NR6A1: variants seen among roughly 807,000 people sequenced by gnomAD.
NR6A1 encodes the protein retinoic acid receptor-related testis-associated receptor.
NR6A1 carries 7 observed loss-of-function variants against 59.1 expected under a neutral mutation model. The observed-to-expected ratio is 0.12, with a 90% CI of 0.07 to 0.22. The LOEUF is 0.22. Among genes scored for constraint, NR6A1 ranks in the 10% least tolerant of loss-of-function variants. NR6A1 has a pLI of 1.00. For synonymous variants in NR6A1, 243 were observed against 236.1 expected, an observed-to-expected ratio of 1.03 and a Z score of -0.27; for missense variants, 468 against 611.6, an observed-to-expected ratio of 0.77 and a Z score of 2.48.
intron 2 of NR6A1, among the ~76,000 whole-genome samples, chr9:124,681,833 T>C (rs961583304): frequency 2.6e-5 from 4 of 152,198 alleles, no homozygotes; most frequent in African/African-American, 9.6e-5. Context: ...ATTTTCCAAA[T>C]GACCAATGTA....
chr9:124,592,094 C>T (rs970812153), intron 2 of NR6A1, among the ~76,000 whole-genome samples: 1 of 152,172 alleles, frequency 6.6e-6, no homozygotes, highest in Admixed American at 6.5e-5. Flanking sequence ...ATTTGTGCCT[C>T]TGATATCCTT....
chr9:124,625,403 C>T lies in NR6A1; in HGVS notation c.143-70833G>A, dbSNP rs181389450. 3.7e-3 allele frequency among the ~76,000 whole-genome samples: 561 copies of T among 152,298 alleles called. 2 individuals carry two copies. The highest frequency in any genetic ancestry group is 4.8e-3 in the Non-Finnish European group (328 of 68,020). On this transcript the variant is annotated intron_variant, in intron 2 of 9. Coordinates refer to ENST00000487099, the MANE Select transcript of NR6A1 (RefSeq NM_033334.4). ...AGTGCAGTGGCATGATCACAGCTCA[C>T]GGCAGCCTCAACCTCACAGGCTCAA...
intron 1 of NR6A1, among the ~76,000 whole-genome samples, chr9:124,758,052 T>C (rs1329687030): frequency 6.6e-6 from 1 of 152,246 alleles, no homozygotes; most frequent in Non-Finnish European, 1.5e-5. Context: ...CAGCAACTGC[T>C]TGCAGTCAGT....
intron 1 of NR6A1, among the ~76,000 whole-genome samples, chr9:124,765,758 C>A (rs1840917137): frequency 6.6e-6 from 1 of 151,622 alleles, no homozygotes; most frequent in African/African-American, 2.4e-5. Context: ...TGAAAAAACT[C>A]TGGGTTTTTT....
At chr9:124,583,075 G>C (rs1358373535) in intron 2 of NR6A1, among the ~76,000 whole-genome samples, 2 of 151,982 alleles carry the variant, frequency 1.3e-5, no homozygotes, top group Non-Finnish European at 2.9e-5. Context: ...TTGGCCATTA[G>C]GTAATCAACA....
chr9:124,665,481 C>G (rs1021629210), intron 2 of NR6A1, among the ~76,000 whole-genome samples: 2 of 152,172 alleles, frequency 1.3e-5, no homozygotes, highest in African/African-American at 2.4e-5. Context: ...AAACCACTCT[C>G]TCATATAAAA....
intron 2 of NR6A1, among the ~76,000 whole-genome samples, chr9:124,670,137 T>A (rs987100622): frequency 1.0e-4 from 15 of 149,912 alleles, no homozygotes; most frequent in African/African-American, 3.2e-4. Flanking sequence ...CCCAGCACTT[T>A]GGGAAACTGA....
At chr9:124,596,469 T>C (rs910081197) in intron 2 of NR6A1, among the ~76,000 whole-genome samples, 2 of 152,232 alleles carry the variant, frequency 1.3e-5, no homozygotes, top group African/African-American at 2.4e-5. Context: ...TGGTTATCTA[T>C]ACTAGTTTGA....
intron 3 of NR6A1, among the ~76,000 whole-genome samples, chr9:124,553,276 C>A (rs1833827620): frequency 6.6e-6 from 1 of 152,190 alleles, no homozygotes; most frequent in Admixed American, 6.5e-5. Context: ...CGGCCCTTCT[C>A]TCTTCTGTAT....
intron 2 of NR6A1, among the ~76,000 whole-genome samples, chr9:124,726,699 T>G (rs1839730696): frequency 6.6e-6 from 1 of 152,102 alleles, no homozygotes; most frequent in South Asian, 2.1e-4. Flanking sequence ...TTCTCACTTC[T>G]TCACTTCTTC....
intron 2 of NR6A1, among the ~76,000 whole-genome samples, chr9:124,690,248 C>A (rs1838488581): frequency 6.6e-6 from 1 of 152,182 alleles, no homozygotes; most frequent in African/African-American, 2.4e-5. Flanking sequence ...AGCAAACATG[C>A]TACTAATCAT....
At chr9:124,620,459 T>A (rs865932984) in intron 2 of NR6A1, among the ~76,000 whole-genome samples, 7 of 152,348 alleles carry the variant, frequency 4.6e-5, no homozygotes, top group African/African-American at 1.4e-4. Flanking sequence ...AGATAAAATG[T>A]ATGGCATATC....
At chr9:124,525,284 AACACACACACACAC>A (rs71492413) in intron 8 of NR6A1, among the ~76,000 whole-genome samples, 17 of 137,302 alleles carry the variant, frequency 1.2e-4, no homozygotes, top group African/African-American at 4.2e-4. Context: ...ATGCTTGTAA[AACACACACACACAC>A]ACACACACAC....
At chr9:124,740,095 G>A (rs1019932649) in intron 1 of NR6A1, among the ~76,000 whole-genome samples, 3 of 152,170 alleles carry the variant, frequency 2.0e-5, no homozygotes, top group African/African-American at 7.2e-5. Context: ...ACCCAACAGT[G>A]TATACTCCAT....
chr9:124,697,105 G>C (rs755443629), intron 2 of NR6A1, among the ~76,000 whole-genome samples: 2 of 152,170 alleles, frequency 1.3e-5, no homozygotes, highest in African/African-American at 4.8e-5. Flanking sequence ...AGCCTGGAGT[G>C]TACTAAGAAA....
At chr9:124,525,776 G>A (rs542079553) in intron 8 of NR6A1, among the ~76,000 whole-genome samples, 12 of 150,254 alleles carry the variant, frequency 8.0e-5, no homozygotes, top group South Asian at 6.3e-4. Context: ...AAATCTTACC[G>A]GCCCTTTGAG....
At position 124,625,530 on chromosome 9, in the gene NR6A1, C is replaced by T. The variant is rs561292775; in HGVS notation, c.143-70960G>A. On this transcript the variant is annotated intron_variant, in intron 2 of 9. Coordinates refer to ENST00000487099, the MANE Select transcript of NR6A1 (RefSeq NM_033334.4). ...AGAGGTGGGGTCTCCTTATGCTGCCCAGGCTCATTTTATTAAGAGGCATAA... is the reference window on the plus strand; with the variant it reads ...AGAGGTGGGGTCTCCTTATGCTGCCTAGGCTCATTTTATTAAGAGGCATAA... 5.8e-4 allele frequency among the ~76,000 whole-genome samples: 89 copies of T among 152,234 alleles called. 1 individual carries two copies. In the South Asian group the frequency reaches 0.018, roughly 31 times the overall value.
chr9:124,696,092 T>C (rs1026796806), intron 2 of NR6A1, among the ~76,000 whole-genome samples: 3 of 152,114 alleles, frequency 2.0e-5, no homozygotes, highest in Non-Finnish European at 4.4e-5. Context: ...AGAGACTGTA[T>C]TAGGGAGTCA....
In NR6A1 at chr9:124,554,577, A is replaced by G. The variant is rs1373178861; in HGVS notation, c.143-7T>C. Reference sequence around the variant, plus strand: ...CGATCATCTGAAACAGAAACTGATCATGTTCAAGTTAGAACACAGTGGAAA... The same window carrying G: ...CGATCATCTGAAACAGAAACTGATCGTGTTCAAGTTAGAACACAGTGGAAA... On this transcript the variant is annotated splice_polypyrimidine_tract_variant and splice_region_variant and intron_variant, in intron 2 of 9. Coordinates refer to ENST00000487099, the MANE Select transcript of NR6A1 (RefSeq NM_033334.4). The G allele has an allele frequency of 2.5e-6, 4 of 1,614,242 alleles. No homozygotes were observed. The highest frequency in any genetic ancestry group is 2.7e-5 in the African/African-American group (2 of 75,070).
Sources: allele counts gnomAD v4.1 joint callset (sites outside exome capture counted in the v4.1 genomes callset), GRCh38; gene constraint gnomAD v4.1.1; transcripts MANE v1.5; gene names NCBI Gene and HGNC (gene_info 2026-07-23, HGNC 2026-07-21).